CIT: variants seen among roughly 807,000 people sequenced by gnomAD.
The protein encoded by CIT is citron Rho-interacting kinase.
CIT carries 79 observed loss-of-function variants against 272.7 expected under a neutral mutation model. The ratio of observed to expected loss-of-function variants is 0.29; its 90% confidence interval spans 0.24 to 0.35. The LOEUF (loss-of-function observed/expected upper bound fraction) is 0.35. Among genes scored for constraint, CIT ranks in the 10% least tolerant of loss-of-function variants. The pLI, the probability that CIT is intolerant of heterozygous loss-of-function variation, is 1.00. For missense variants in CIT, 1,909 were observed against 2,618.3 expected, an observed-to-expected ratio of 0.73 and a Z score of 5.91; for synonymous variants, 948 against 995.6, an observed-to-expected ratio of 0.95 and a Z score of 0.90.
intron 28 of CIT, among the ~76,000 whole-genome samples, chr12:119,726,385 A>ATT (rs3999547): frequency 0.46 from 46,569 of 101,466 alleles, 14,062 homozygotes; most frequent in Middle Eastern, 0.52. Flanking sequence ...CACTTGGCTA[A>ATT]TTTTTTTTTT....
intron 17 of CIT, among the ~76,000 whole-genome samples, chr12:119,771,711 G>A (rs1312529245): frequency 6.6e-6 from 1 of 152,124 alleles, no homozygotes; most frequent in Admixed American, 6.6e-5. Flanking sequence ...GAGGCAGATG[G>A]CCAAGAAATT....
chr12:119,869,868 G>A (rs1290747117), intron 2 of CIT, among the ~76,000 whole-genome samples: 3 of 152,270 alleles, frequency 2.0e-5, no homozygotes, highest in East Asian at 1.9e-4. Flanking sequence ...ACACTGCCTC[G>A]CCTTCCTGCC....
chr12:119,770,650 C>T lies in CIT; in HGVS notation c.2208+135G>A, dbSNP rs1056821653. The T allele has an allele frequency of 5.0e-6, 5 of 994,958 alleles. No homozygotes were observed. Among genetic ancestry groups the T allele is most frequent in the Non-Finnish European group, 6.1e-6 (4 of 659,608 alleles). The allele number at this position is 994,958 out of a possible 1,614,324, so 61.6% of individuals were successfully genotyped here. On this transcript the variant is annotated intron_variant, in intron 18 of 47. Coordinates refer to ENST00000392521, the MANE Select transcript of CIT (RefSeq NM_001206999.2). The surrounding 1 kb of genome is among the most constrained non-coding windows in gnomAD (Gnocchi z 4.4). Reference sequence around the variant, plus strand: ...ATACTACTCTACGATGTGGCATATGCTGAAACCACCTCACTCAATTCATCT... The same window carrying T: ...ATACTACTCTACGATGTGGCATATGTTGAAACCACCTCACTCAATTCATCT...
In CIT at chr12:119,804,488, C is replaced by G; in HGVS notation, c.1112-1099G>C. 1.0e-6 allele frequency: 1 copy of G among 985,644 alleles called. No homozygotes were observed. Among genetic ancestry groups the G allele is most frequent in the Non-Finnish European group, 1.2e-6 (1 of 830,070 alleles). 61.1% of individuals were successfully genotyped at this position (985,644 alleles called of 1,614,324 possible). On this transcript the variant is annotated intron_variant, in intron 9 of 47. Coordinates refer to ENST00000392521, the MANE Select transcript of CIT (RefSeq NM_001206999.2). This position sits in a 1 kb window ranked among gnomAD's most constrained non-coding sequence, Gnocchi z 5.3. ...GCCTGCCAGGGGCCAGTGCTGATCCCAGTGACAGAGCAGCATGAGTCACTG... is the reference window on the plus strand; with the variant it reads ...GCCTGCCAGGGGCCAGTGCTGATCCGAGTGACAGAGCAGCATGAGTCACTG...
intron 5 of CIT, among the ~76,000 whole-genome samples, chr12:119,838,791 A>T (rs891117199): frequency 2.6e-5 from 4 of 152,178 alleles, no homozygotes; most frequent in Admixed American, 1.3e-4. Flanking sequence ...TCAGCACTGA[A>T]GCCAGTGATC....
chr12:119,706,044 C>G (rs1386246839), intron 40 of CIT, among the ~76,000 whole-genome samples: 2 of 149,478 alleles, frequency 1.3e-5, no homozygotes, highest in Non-Finnish European at 3.0e-5. Context: ...GAGCCAAGAT[C>G]GTGCCGCTGT....
intron 3 of CIT, among the ~76,000 whole-genome samples, chr12:119,859,750 G>A (rs1950279856): frequency 6.6e-6 from 1 of 151,922 alleles, no homozygotes; most frequent in African/African-American, 2.4e-5. Flanking sequence ...GGAGGTGCAG[G>A]TTGTAGTGAG....
chr12:119,688,120 G>T lies in CIT; in HGVS notation c.*112C>A. 1.6e-6 allele frequency: 2 copies of T among 1,214,486 alleles called. No homozygotes were observed. The highest frequency in any genetic ancestry group is 2.4e-6 in the Non-Finnish European group (2 of 818,884). The allele number at this position is 1,214,486 out of a possible 1,614,324, so 75.2% of individuals were successfully genotyped here. On this transcript the variant is annotated 3_prime_UTR_variant, in exon 48 of 48. Transcript: ENST00000392521. ...CCGAGGTGGGTCTGGGCCCCGCTGAGCCAGAGGGTGGCTGAGCACGTGGGC... is the reference window on the plus strand; with the variant it reads ...CCGAGGTGGGTCTGGGCCCCGCTGATCCAGAGGGTGGCTGAGCACGTGGGC...
At chr12:119,852,125 A>G (rs1970258483) in intron 4 of CIT, among the ~76,000 whole-genome samples, 1 of 152,224 alleles carries the variant, frequency 6.6e-6, no homozygotes, top group Non-Finnish European at 1.5e-5. Context: ...CAAGTGATCA[A>G]AGTGAGCATC....
At chr12:119,852,036 G>GA (rs1970252434) in intron 4 of CIT, among the ~76,000 whole-genome samples, 1 of 152,014 alleles carries the variant, frequency 6.6e-6, no homozygotes, top group African/African-American at 2.4e-5. Flanking sequence ...CTGTCTCTAA[G>GA]AAAAATAAAA....
Position 119,814,865 on chromosome 12 carries a change from G to A in CIT, c.1111+7955C>T, listed in dbSNP as rs1309947797. Among the ~76,000 whole-genome samples the A allele has an allele frequency of 2.6e-5, 4 of 151,670 alleles. No individual in the cohort carries two copies. In the East Asian group the frequency reaches 5.9e-4, roughly 22 times the overall value. On this transcript the variant is annotated intron_variant, in intron 9 of 47. Transcript: ENST00000392521. ...CAGCCTGGCCAACACGGTGAAACCC[G>A]TCTCTACTAAAAATACAAAAAAATT...
chr12:119,751,682 GATTATT>G (rs758511444), intron 23 of CIT, among the ~76,000 whole-genome samples: 2 of 148,450 alleles, frequency 1.3e-5, no homozygotes, highest in East Asian at 2.0e-4. Context: ...ACTACTATAA[GATTATT>G]ATTATTATTT....
intron 3 of CIT, among the ~76,000 whole-genome samples, chr12:119,865,367 C>A (rs1474375829): frequency 6.6e-6 from 1 of 152,166 alleles, no homozygotes; most frequent in Non-Finnish European, 1.5e-5. Flanking sequence ...TTTAAATATT[C>A]ACAAAAAGAA....
intron 17 of CIT, among the ~76,000 whole-genome samples, chr12:119,771,145 T>C (rs1963098691): frequency 6.6e-6 from 1 of 152,312 alleles, no homozygotes; most frequent in Middle Eastern, 3.4e-3. Context: ...ATCTGCAAAG[T>C]GCCACCTAGG....
rs1199687231 is a variant in CIT, at chr12:119,697,306, G to C, written c.5882+353C>G. Reference sequence around the variant, plus strand: ...GTGCCATCAGGGAGGGGCTACATCTGCTTTATTCACCATTCTCCCTCCCCC... The same window carrying C: ...GTGCCATCAGGGAGGGGCTACATCTCCTTTATTCACCATTCTCCCTCCCCC... On this transcript the variant is annotated intron_variant, in intron 46 of 47. Transcript: ENST00000392521. The surrounding 1 kb of genome is among the most constrained non-coding windows in gnomAD (Gnocchi z 4.9). 6.6e-6 allele frequency among the ~76,000 whole-genome samples: 1 copy of C among 152,092 alleles called. No homozygotes were observed. The highest frequency in any genetic ancestry group is 2.4e-5 in the African/African-American group (1 of 41,410).
chr12:119,709,690 T>A (rs530598776), intron 39 of CIT, among the ~76,000 whole-genome samples: 2 of 152,144 alleles, frequency 1.3e-5, no homozygotes, highest in South Asian at 4.1e-4. Flanking sequence ...TGACAGAATG[T>A]CTTCAATCCT....
chr12:119,789,564 A>T (rs1318609225), intron 10 of CIT, among the ~76,000 whole-genome samples: 2 of 152,228 alleles, frequency 1.3e-5, no homozygotes, highest in Non-Finnish European at 2.9e-5. Context: ...TTCATTTTTC[A>T]TGTAGACATG....
Position 119,688,108 on chromosome 12 carries a change from G to A in CIT, c.*124C>T. ...GGGGTGTCCGTGCCGAGGTGGGTCT[G>A]GGCCCCGCTGAGCCAGAGGGTGGCT... On this transcript the variant is annotated 3_prime_UTR_variant, in exon 48 of 48. Coordinates refer to ENST00000392521, the MANE Select transcript of CIT (RefSeq NM_001206999.2). The A allele has an allele frequency of 1.9e-6, 2 of 1,071,176 alleles. No homozygotes were observed. The highest frequency in any genetic ancestry group is 1.3e-5 in the South Asian group (1 of 75,890). The allele number at this position is 1,071,176 out of a possible 1,614,324, so 66.4% of individuals were successfully genotyped here. A position where few individuals can be genotyped will look rare whatever the true frequency, so the allele number is the denominator to read the frequency against.
chr12:119,729,510 A>G (rs924145759), intron 27 of CIT, among the ~76,000 whole-genome samples: 4 of 152,242 alleles, frequency 2.6e-5, no homozygotes, highest in Admixed American at 6.5e-5. Context: ...TTCAAAAAAT[A>G]TTCAACTCAG....
Sources: gnomAD v4.1 joint callset for allele counts (sites outside exome capture counted in the v4.1 genomes callset) on GRCh38, gnomAD v4.1.1 for gene constraint, Gnocchi (gnomAD v3.1) non-coding constraint, MANE v1.5 for transcripts, NCBI Gene and HGNC (gene_info 2026-07-23, HGNC 2026-07-21) for gene names.